The following SLC25A21 variants were observed in gnomAD, a reference collection of about 807,000 sequenced individuals.
SLC25A21 encodes the protein mitochondrial 2-oxodicarboxylate carrier.
In SLC25A21, 47 loss-of-function variants were observed where a neutral mutation model predicts 43.8. The ratio of observed to expected loss-of-function variants is 1.07; its 90% CI spans 0.85 to 1.37. The LOEUF is 1.37. Among genes scored for constraint, SLC25A21 ranks in the 40% most tolerant of loss-of-function variants. SLC25A21 has a pLI of 0.00. For missense variants in SLC25A21, 352 were observed against 350.2 expected (o/e 1.00, Z -0.04); for synonymous variants, 131 against 121.3 (o/e 1.08, Z -0.52).
chr14:37,041,673 T>C (rs12894251), intron 1 of SLC25A21, among the ~76,000 whole-genome samples: 73,679 of 152,058 alleles, frequency 0.48, 20,819 homozygotes, highest in African/African-American at 0.8. Context: ...TAGTAATGTG[T>C]CTAGAGCAGA....
Position 36,678,749 on chromosome 14 carries a change from T to C in SLC25A21, c.*1909A>G. ...TTGTTATTGTGCTATTTATAATTTT[T>C]TTCTGGTTCTTGTATTTTAAAAAAT... On this transcript the variant is annotated 3_prime_UTR_variant, in exon 10 of 10. Coordinates refer to ENST00000331299, the MANE Select transcript of SLC25A21 (RefSeq NM_030631.4). 8.8e-7 allele frequency: 1 copy of C among 1,134,770 alleles called. No homozygotes were observed. The highest frequency in any genetic ancestry group is 4.1e-5 in the East Asian group (1 of 24,442). The allele number at this position is 1,134,770 out of a possible 1,614,324, so 70.3% of individuals were successfully genotyped here.
At chr14:37,097,038 T>C (rs1023041909) in intron 1 of SLC25A21, 1 of 150,884 alleles carries the variant, frequency 6.6e-6, no homozygotes, top group Non-Finnish European at 1.5e-5. Context: ...TGTTTTTTTT[T>C]TTTGTTTTTT....
chr14:37,028,360 C>T (rs1327389458), intron 1 of SLC25A21, among the ~76,000 whole-genome samples: 3 of 152,104 alleles, frequency 2.0e-5, no homozygotes. Flanking sequence ...AATTCTACTT[C>T]TTATTTGCTT....
At chr14:36,897,482 C>A (rs1247925841) in intron 1 of SLC25A21, among the ~76,000 whole-genome samples, 1 of 152,126 alleles carries the variant, frequency 6.6e-6, no homozygotes, top group Non-Finnish European at 1.5e-5. Flanking sequence ...TGGGTTCGAA[C>A]TTCCTCCTTT....
intron 3 of SLC25A21, among the ~76,000 whole-genome samples, chr14:36,799,131 C>T (rs1594598359): frequency 6.6e-6 from 1 of 152,178 alleles, no homozygotes; most frequent in African/African-American, 2.4e-5. Flanking sequence ...ATGGATTTCC[C>T]CAAGAATGCC....
At chr14:37,082,241 G>C (rs1367558679) in intron 1 of SLC25A21, among the ~76,000 whole-genome samples, 2 of 152,134 alleles carry the variant, frequency 1.3e-5, no homozygotes, top group African/African-American at 4.8e-5. Context: ...AGAGGGTAGG[G>C]GGAATGGGTT....
At chr14:36,707,290 T>C (rs1883614488) in intron 7 of SLC25A21, among the ~76,000 whole-genome samples, 1 of 152,174 alleles carries the variant, frequency 6.6e-6, no homozygotes, top group Non-Finnish European at 1.5e-5. Flanking sequence ...TGTGAGTTTG[T>C]TTGTTTACTT....
chr14:36,964,090 G>T (rs572636889), intron 1 of SLC25A21, among the ~76,000 whole-genome samples: 1 of 152,124 alleles, frequency 6.6e-6, no homozygotes, highest in African/African-American at 2.4e-5. Context: ...AATGAATATA[G>T]TTTTATTACT....
chr14:36,712,714 A>T (rs772757564), intron 6 of SLC25A21, among the ~76,000 whole-genome samples: 1 of 152,212 alleles, frequency 6.6e-6, no homozygotes, highest in East Asian at 1.9e-4. Context: ...TAAGCTTAAG[A>T]AAACCCTCCT....
At chr14:36,704,665 A>C (rs1051253216) in intron 7 of SLC25A21, among the ~76,000 whole-genome samples, 26 of 151,638 alleles carry the variant, frequency 1.7e-4, no homozygotes, top group African/African-American at 6.1e-4. Context: ...TCAAAAAAAA[A>C]AAAAAACAAA....
chr14:37,001,341 G>C (rs1292943060), intron 1 of SLC25A21, among the ~76,000 whole-genome samples: 2 of 152,104 alleles, frequency 1.3e-5, no homozygotes, highest in Non-Finnish European at 2.9e-5. Flanking sequence ...GTAAGAAATA[G>C]TATTATCAAT....
intron 1 of SLC25A21, among the ~76,000 whole-genome samples, chr14:36,960,470 G>C (rs567280190): frequency 2.6e-5 from 4 of 152,094 alleles, no homozygotes; most frequent in African/African-American, 9.6e-5. Flanking sequence ...TCAAATCATA[G>C]TAAGATTTGC....
intron 1 of SLC25A21, among the ~76,000 whole-genome samples, chr14:37,087,868 C>A (rs1328416034): frequency 6.6e-6 from 1 of 152,224 alleles, no homozygotes; most frequent in East Asian, 1.9e-4. Context: ...GAAACACACA[C>A]ACCAAACACA....
At chr14:36,774,900 AATT>A (rs1886766920) in intron 3 of SLC25A21, among the ~76,000 whole-genome samples, 1 of 152,238 alleles carries the variant, frequency 6.6e-6, no homozygotes, top group Non-Finnish European at 1.5e-5. Flanking sequence ...AACTGATACA[AATT>A]AAAGCAAAAA....
intron 7 of SLC25A21, among the ~76,000 whole-genome samples, chr14:36,699,913 G>A (rs187622757): frequency 2.6e-4 from 39 of 152,274 alleles, no homozygotes; most frequent in Admixed American, 1.6e-3. Context: ...CGGGTGAGGC[G>A]ACTCCCTGTC....
At chr14:36,774,809 G>C (rs1161934536) in intron 3 of SLC25A21, among the ~76,000 whole-genome samples, 1 of 152,136 alleles carries the variant, frequency 6.6e-6, no homozygotes, top group Non-Finnish European at 1.5e-5. Context: ...GAAAAACAAA[G>C]AGGTAAAATA....
At chr14:36,727,973 A>G (rs1884668358) in intron 5 of SLC25A21, among the ~76,000 whole-genome samples, 1 of 152,152 alleles carries the variant, frequency 6.6e-6, no homozygotes, top group Non-Finnish European at 1.5e-5. Context: ...CTTCCAAGTA[A>G]TTCACTTTTT....
intron 1 of SLC25A21, among the ~76,000 whole-genome samples, chr14:37,162,531 C>A (rs1386750334): frequency 6.6e-6 from 1 of 152,086 alleles, no homozygotes; most frequent in African/African-American, 2.4e-5. Flanking sequence ...CCAAAAAACA[C>A]ACGAAAAAAT....
At chr14:37,160,277 G>A (rs759623319) in intron 1 of SLC25A21, among the ~76,000 whole-genome samples, 7 of 152,162 alleles carry the variant, frequency 4.6e-5, no homozygotes, top group Non-Finnish European at 1.0e-4. Flanking sequence ...CATGTTTATT[G>A]CAGCACTATT....
Sources: gnomAD v4.1 joint callset for allele counts (sites outside exome capture counted in the v4.1 genomes callset) on GRCh38, gnomAD v4.1.1 for gene constraint, MANE v1.5 for transcripts, NCBI Gene and HGNC (gene_info 2026-07-23, HGNC 2026-07-21) for gene names.